ROR1: variants seen among roughly 807,000 people sequenced by gnomAD.
The protein encoded by ROR1 is inactive tyrosine-protein kinase transmembrane receptor ROR1.
In ROR1, 19 loss-of-function variants were observed where a neutral mutation model predicts 78.8. The ratio of observed to expected loss-of-function variants is 0.24; its 90% CI spans 0.17 to 0.35. The LOEUF is 0.35. Among genes scored for constraint, ROR1 ranks in the 10% least tolerant of loss-of-function variants. ROR1 has a pLI of 1.00. For missense variants in ROR1, 917 were observed against 1,177.8 expected (o/e 0.78, Z 3.24); for synonymous variants, 386 against 433.6 (o/e 0.89, Z 1.36).
intron 1 of ROR1, among the ~76,000 whole-genome samples, chr1:63,975,317 A>G (rs1172550181): frequency 1.3e-5 from 2 of 152,230 alleles, no homozygotes; most frequent in South Asian, 2.1e-4. Context: ...ATGGTACGAT[A>G]TATCTTGTTA....
At chr1:63,902,601 G>A (rs938467401) in intron 1 of ROR1, among the ~76,000 whole-genome samples, 1 of 152,078 alleles carries the variant, frequency 6.6e-6, no homozygotes, top group Non-Finnish European at 1.5e-5. Context: ...TGAGATTACA[G>A]GCATGAGCCA....
chr1:63,896,920 A>T (rs1383958409), intron 1 of ROR1, among the ~76,000 whole-genome samples: 2 of 152,184 alleles, frequency 1.3e-5, no homozygotes, highest in Non-Finnish European at 2.9e-5. Context: ...AAATCCCTTA[A>T]TCTCTTTGAG....
At chr1:63,928,812 C>G (rs1330225804) in intron 1 of ROR1, among the ~76,000 whole-genome samples, 1 of 152,178 alleles carries the variant, frequency 6.6e-6, no homozygotes, top group Non-Finnish European at 1.5e-5. Context: ...CAGTGCCTGG[C>G]ACTTAGTGCT....
At chr1:64,071,582 G>GACACACAC (rs546971973) in intron 4 of ROR1, among the ~76,000 whole-genome samples, 10 of 106,380 alleles carry the variant, frequency 9.4e-5, no homozygotes, top group African/African-American at 3.1e-4. Flanking sequence ...CACCCACACA[G>GACACACAC]ACACACACAC....
At chr1:63,884,508 A>G (rs1406119390) in intron 1 of ROR1, among the ~76,000 whole-genome samples, 3 of 152,182 alleles carry the variant, frequency 2.0e-5, no homozygotes, top group African/African-American at 4.8e-5. Context: ...GGTGAAGGAA[A>G]TTGCTCAAGG....
At chr1:64,024,421 C>T (rs1195014000) in intron 2 of ROR1, among the ~76,000 whole-genome samples, 1 of 152,104 alleles carries the variant, frequency 6.6e-6, no homozygotes, top group Non-Finnish European at 1.5e-5. Context: ...ACGGAGGTTG[C>T]AGTGAGCCGA....
chr1:63,866,974 C>G (rs1645219566), intron 1 of ROR1, among the ~76,000 whole-genome samples: 2 of 152,026 alleles, frequency 1.3e-5, no homozygotes, highest in African/African-American at 4.8e-5. Context: ...TAGATGAAAT[C>G]ACTGGATAGG....
chr1:63,847,545 C>T (rs1645088915), intron 1 of ROR1, among the ~76,000 whole-genome samples: 1 of 152,064 alleles, frequency 6.6e-6, no homozygotes, highest in Non-Finnish European at 1.5e-5. Context: ...AGGCAGAGGA[C>T]GTGGATGGTG....
At chr1:63,801,714 A>G (rs1386378499) in intron 1 of ROR1, among the ~76,000 whole-genome samples, 10 of 152,238 alleles carry the variant, frequency 6.6e-5, no homozygotes, top group African/African-American at 1.9e-4. Context: ...CTCATTAGAC[A>G]GTTAATGAAA....
chr1:63,977,960 T>C (rs1646175330), intron 1 of ROR1, among the ~76,000 whole-genome samples: 1 of 152,196 alleles, frequency 6.6e-6, no homozygotes, highest in Non-Finnish European at 1.5e-5. Context: ...CTGCCAATTT[T>C]GTTGATCACG....
chr1:63,814,984 C>CTG (rs1644881649), intron 1 of ROR1, among the ~76,000 whole-genome samples: 1 of 152,196 alleles, frequency 6.6e-6, no homozygotes, highest in African/African-American at 2.4e-5. Context: ...ATCTGCTTTG[C>CTG]CCAGTTCTGT....
intron 1 of ROR1, among the ~76,000 whole-genome samples, chr1:63,899,452 T>C (rs974553795): frequency 6.6e-6 from 1 of 152,170 alleles, no homozygotes; most frequent in Non-Finnish European, 1.5e-5. Flanking sequence ...TTGTAGCAAT[T>C]CTTCAAAACG....
chr1:64,111,705 G>A (rs966116573), intron 4 of ROR1, among the ~76,000 whole-genome samples: 2 of 152,116 alleles, frequency 1.3e-5, no homozygotes, highest in South Asian at 4.1e-4. Context: ...GTAAAATCCT[G>A]GTAACAAATG....
intron 4 of ROR1, among the ~76,000 whole-genome samples, chr1:64,113,449 T>G (rs150073217): frequency 5.9e-4 from 90 of 152,266 alleles, no homozygotes; most frequent in South Asian, 1.7e-3. Flanking sequence ...ATTGTACAGA[T>G]GAGGAAGCTG....
intron 1 of ROR1, among the ~76,000 whole-genome samples, chr1:63,863,539 G>A (rs1293558273): frequency 6.6e-6 from 1 of 152,110 alleles, no homozygotes; most frequent in Non-Finnish European, 1.5e-5. Flanking sequence ...CACCATCTAT[G>A]GGTCTGTGAT....
intron 1 of ROR1, among the ~76,000 whole-genome samples, chr1:63,997,188 A>G (rs1646343729): frequency 2.0e-5 from 3 of 152,304 alleles, no homozygotes; most frequent in Admixed American, 2.0e-4. Context: ...CTAGAGTAGG[A>G]TGGCTGCACG....
chr1:63,880,722 T>C (rs1229532112), intron 1 of ROR1, among the ~76,000 whole-genome samples: 1 of 152,186 alleles, frequency 6.6e-6, no homozygotes, highest in Non-Finnish European at 1.5e-5. Context: ...AGTGATAGAA[T>C]GTCTGGTTTT....
At chr1:63,976,059 A>G (rs1426284581) in intron 1 of ROR1, among the ~76,000 whole-genome samples, 2 of 152,216 alleles carry the variant, frequency 1.3e-5, no homozygotes, top group Non-Finnish European at 2.9e-5. Flanking sequence ...TTTGCCCTCA[A>G]GGAATTTACA....
intron 4 of ROR1, among the ~76,000 whole-genome samples, chr1:64,072,265 G>A (rs1468811856): frequency 6.6e-6 from 1 of 152,182 alleles, no homozygotes; most frequent in African/African-American, 2.4e-5. Context: ...CTTGATAGAA[G>A]TTTGCTATTA....
Sources: allele counts gnomAD v4.1 joint callset (sites outside exome capture counted in the v4.1 genomes callset), GRCh38; gene constraint gnomAD v4.1.1; transcripts MANE v1.5; gene names NCBI Gene and HGNC (gene_info 2026-07-23, HGNC 2026-07-21).